The following MSRA variants were observed in gnomAD, a reference collection of about 807,000 sequenced individuals.
The protein encoded by MSRA is mitochondrial peptide methionine sulfoxide reductase.
A neutral mutation model predicts 31.3 loss-of-function variants in MSRA; 54 were observed. That is an observed-to-expected ratio of 1.73 (90% CI 1.39 to 2.17). The LOEUF is 2.17. Ranked by LOEUF, MSRA falls within the 30% of genes most tolerant of loss-of-function variation. MSRA has a pLI of 0.00. For synonymous variants in MSRA, 169 were observed against 116.5 expected (o/e 1.45, Z -2.90); for missense variants, 507 against 300.9 (o/e 1.69, Z -5.07).
At chr8:10,109,116 T>C (rs1015877939) in intron 1 of MSRA, among the ~76,000 whole-genome samples, 1 of 152,132 alleles carries the variant, frequency 6.6e-6, no homozygotes, top group Admixed American at 6.5e-5. Context: ...GGCATTAAAA[T>C]TGTTGAGCAT....
At chr8:10,338,357 A>G (rs1031936048) in intron 5 of MSRA, among the ~76,000 whole-genome samples, 2 of 152,170 alleles carry the variant, frequency 1.3e-5, no homozygotes, top group Non-Finnish European at 2.9e-5. Context: ...TGGGGAAGGG[A>G]GGAGGAGTTG....
chr8:10,116,945 A>G (rs1226597443), intron 1 of MSRA, among the ~76,000 whole-genome samples: 1 of 152,194 alleles, frequency 6.6e-6, no homozygotes, highest in Non-Finnish European at 1.5e-5. Context: ...TAGCCTGGGC[A>G]ACAAGAGCGA....
At chr8:10,116,171 C>T (rs1056966734) in intron 1 of MSRA, among the ~76,000 whole-genome samples, 7 of 152,242 alleles carry the variant, frequency 4.6e-5, no homozygotes, top group Non-Finnish European at 8.8e-5. Flanking sequence ...TTATGGCAAG[C>T]TTGTCCAACC....
chr8:10,315,753 A>T (rs1037677276), intron 4 of MSRA, among the ~76,000 whole-genome samples: 1 of 152,212 alleles, frequency 6.6e-6, no homozygotes, highest in Non-Finnish European at 1.5e-5. Flanking sequence ...TGACCTAAAA[A>T]TTTTACTATT....
intron 5 of MSRA, among the ~76,000 whole-genome samples, chr8:10,413,777 A>G (rs753988575): frequency 9.2e-5 from 14 of 152,292 alleles, no homozygotes; most frequent in South Asian, 2.1e-4. Flanking sequence ...GTCAATTGAT[A>G]TTATCCAGTC....
At chr8:10,142,029 G>A (rs1007234013) in intron 1 of MSRA, among the ~76,000 whole-genome samples, 1 of 152,180 alleles carries the variant, frequency 6.6e-6, no homozygotes, top group Non-Finnish European at 1.5e-5. Flanking sequence ...CGCGATCTTG[G>A]CTCACCGCAA....
chr8:10,326,662 G>T (rs963107163), intron 5 of MSRA: 13 of 151,970 alleles, frequency 8.6e-5, no homozygotes, highest in African/African-American at 3.1e-4. Flanking sequence ...TGCCTTCAAG[G>T]AGAAGACTTG....
intron 4 of MSRA, among the ~76,000 whole-genome samples, chr8:10,317,388 G>C (rs1285500638): frequency 6.6e-6 from 1 of 152,230 alleles, no homozygotes; most frequent in Non-Finnish European, 1.5e-5. Flanking sequence ...CAGAGGAGAA[G>C]TCATCATCTT....
intron 1 of MSRA, among the ~76,000 whole-genome samples, chr8:10,137,771 A>G (rs536237966): frequency 2.6e-4 from 39 of 152,302 alleles, no homozygotes; most frequent in African/African-American, 8.9e-4. Flanking sequence ...TGCCCCTTCC[A>G]GGTAACCCCC....
chr8:10,183,231 C>A (rs1430842074), intron 1 of MSRA, among the ~76,000 whole-genome samples: 2 of 152,138 alleles, frequency 1.3e-5, no homozygotes, highest in Non-Finnish European at 2.9e-5. Flanking sequence ...CATTTTAGGC[C>A]ATTGTCACAC....
At chr8:10,123,891 G>T (rs768264995) in intron 1 of MSRA, among the ~76,000 whole-genome samples, 2 of 151,418 alleles carry the variant, frequency 1.3e-5, no homozygotes, top group African/African-American at 2.4e-5. Context: ...TTGAGACAGG[G>T]TCTCACTCTG....
intron 5 of MSRA, among the ~76,000 whole-genome samples, chr8:10,393,713 G>A (rs1013863536): frequency 6.6e-6 from 1 of 152,204 alleles, no homozygotes; most frequent in African/African-American, 2.4e-5. Flanking sequence ...CTGCACACGG[G>A]CAGCTTGTGC....
chr8:10,143,629 G>C (rs975256041), intron 1 of MSRA, among the ~76,000 whole-genome samples: 9 of 152,146 alleles, frequency 5.9e-5, no homozygotes, highest in Non-Finnish European at 1.5e-5. Flanking sequence ...GCAAATGCAA[G>C]CTGAAGTCTA....
At chr8:10,100,748 G>A (rs925431859) in intron 1 of MSRA, among the ~76,000 whole-genome samples, 5 of 152,108 alleles carry the variant, frequency 3.3e-5, no homozygotes, top group African/African-American at 1.2e-4. Context: ...TTCTCCAAAA[G>A]CAAGCAGAAA....
intron 3 of MSRA, chr8:10,250,520 A>C (rs949595300): frequency 3.3e-5 from 23 of 698,456 alleles, no homozygotes; most frequent in Non-Finnish European, 5.2e-6. Context: ...AAGGAGCTGC[A>C]CAACTTTTCC....
At chr8:10,112,449 A>G (rs1011744506) in intron 1 of MSRA, among the ~76,000 whole-genome samples, 1 of 152,234 alleles carries the variant, frequency 6.6e-6, no homozygotes, top group Non-Finnish European at 1.5e-5. Context: ...CCAGTTAAAA[A>G]TGCCTGCCAC....
intron 1 of MSRA, among the ~76,000 whole-genome samples, chr8:10,103,824 C>G (rs1799691155): frequency 6.7e-6 from 1 of 150,332 alleles, no homozygotes; most frequent in Non-Finnish European, 1.5e-5. Flanking sequence ...GTGACAAATG[C>G]CATATTTATT....
chr8:10,422,043 G>A (rs1355593195), intron 5 of MSRA, among the ~76,000 whole-genome samples: 1 of 152,206 alleles, frequency 6.6e-6, no homozygotes, highest in African/African-American at 2.4e-5. Context: ...CACTTTGGGA[G>A]GCCAAGATGC....
At chr8:10,426,330 A>G (rs758571276) in intron 5 of MSRA, among the ~76,000 whole-genome samples, 1 of 152,306 alleles carries the variant, frequency 6.6e-6, no homozygotes, top group Admixed American at 6.5e-5. Context: ...TGTTTACAGA[A>G]TCGTTAGCAG....
Sources: gnomAD v4.1 joint callset for allele counts (sites outside exome capture counted in the v4.1 genomes callset) on GRCh38, gnomAD v4.1.1 for gene constraint, MANE v1.5 for transcripts, NCBI Gene and HGNC (gene_info 2026-07-23, HGNC 2026-07-21) for gene names.